SLC25A21: variants seen among roughly 807,000 people sequenced by gnomAD.
The protein encoded by SLC25A21 is solute carrier family 25 member 21, also known as mitochondrial 2-oxodicarboxylate carrier.
Under a neutral mutation model 43.8 loss-of-function variants are expected in SLC25A21, and 47 were observed. That is an observed-to-expected ratio of 1.07 (90% confidence interval 0.85 to 1.37). The LOEUF (loss-of-function observed/expected upper bound fraction) is 1.37. Ranked by LOEUF, SLC25A21 falls within the 40% of genes most tolerant of loss-of-function variation. The probability of loss-of-function intolerance (pLI) is 0.00; values close to 1 mark genes in which losing one functional copy is unlikely to be tolerated. For synonymous variants in SLC25A21, 131 were observed against 121.3 expected (o/e 1.08, Z -0.52); for missense variants, 352 against 350.2 (o/e 1.00, Z -0.04).
intron 1 of SLC25A21, among the ~76,000 whole-genome samples, chr14:37,114,513 A>AT (rs1792642036): frequency 6.6e-6 from 1 of 152,176 alleles, no homozygotes; most frequent in Admixed American, 6.6e-5. Context: ...TACTTAAATC[A>AT]TTTTCTTTAG....
intron 1 of SLC25A21, among the ~76,000 whole-genome samples, chr14:36,902,660 T>C (rs1566725278): frequency 6.6e-6 from 1 of 152,234 alleles, no homozygotes; most frequent in Non-Finnish European, 1.5e-5. Context: ...CCATGACTTT[T>C]GACAATTTCT....
rs779354786 is a variant in SLC25A21, at chr14:36,684,907, A to T, written c.622T>A (p.Trp208Arg). ...AGAAGACCAATCCCAAATTTTCTCC[A>T]AAACTCCAAGATTGGATCCTAAAAG... ...PVNKDPILEFWRKFGIGLLSG... is the reference protein window; with the variant it reads ...PVNKDPILEFRRKFGIGLLSG... Residue 208 changes from tryptophan to arginine, a missense_variant, in exon 8 of 10, where the codon TGG becomes AGG. Transcript: ENST00000331299. The T allele has an allele frequency of 1.9e-6, 3 of 1,610,158 alleles. No homozygotes were observed. Among genetic ancestry groups the T allele is most frequent in the Non-Finnish European group, 2.5e-6 (3 of 1,179,062 alleles).
chr14:36,990,054 G>A lies in SLC25A21; in HGVS notation c.71-115050C>T, dbSNP rs1014115407. Among the ~76,000 whole-genome samples, 63 of 152,226 alleles carry A rather than the reference G, an allele frequency of 4.1e-4. 1 individual carries two copies. Among genetic ancestry groups the A allele is most frequent in the African/African-American group, 1.4e-3 (58 of 41,522 alleles). On this transcript the variant is annotated intron_variant, in intron 1 of 9. Transcript: ENST00000331299. ...GGGGTTTCTAGAGAAAGGATGCTGCGCTGAATGCACAACCACATAAGAAAG... is the reference window on the plus strand; with the variant it reads ...GGGGTTTCTAGAGAAAGGATGCTGCACTGAATGCACAACCACATAAGAAAG...
intron 1 of SLC25A21, among the ~76,000 whole-genome samples, chr14:36,939,627 T>A (rs915865771): frequency 2.0e-5 from 3 of 152,258 alleles, no homozygotes; most frequent in Admixed American, 2.0e-4. Flanking sequence ...AGAAACCTTT[T>A]ATTTTTTAAT....
intron 1 of SLC25A21, among the ~76,000 whole-genome samples, chr14:36,922,667 T>C (rs188352271): frequency 6.6e-6 from 1 of 152,200 alleles, no homozygotes; most frequent in East Asian, 1.9e-4. Flanking sequence ...GAGATGTTCA[T>C]GTGCTGTAAA....
At chr14:36,776,226 C>CTTT (rs1227806836) in intron 3 of SLC25A21, among the ~76,000 whole-genome samples, 23 of 48,126 alleles carry the variant, frequency 4.8e-4, no homozygotes, top group African/African-American at 6.1e-4. Context: ...TTTTCTTTTT[C>CTTT]TTTCTTTCTT....
chr14:37,149,261 G>C (rs922860157), intron 1 of SLC25A21, among the ~76,000 whole-genome samples: 1 of 152,006 alleles, frequency 6.6e-6, no homozygotes, highest in African/African-American at 2.4e-5. Flanking sequence ...CACCAATGCA[G>C]ATGTCCATGA....
At chr14:36,918,449 TC>T (rs1891891144) in intron 1 of SLC25A21, among the ~76,000 whole-genome samples, 1 of 152,190 alleles carries the variant, frequency 6.6e-6, no homozygotes, top group Non-Finnish European at 1.5e-5. Flanking sequence ...AAGCTATTAT[TC>T]TTAAGCTAAT....
intron 1 of SLC25A21, among the ~76,000 whole-genome samples, chr14:37,146,589 T>C (rs376642148): frequency 1.4e-4 from 21 of 152,304 alleles, no homozygotes; most frequent in Admixed American, 1.3e-3. Flanking sequence ...AGTCTACTGA[T>C]AAAGATAAGA....
At chr14:36,931,549 GCT>G (rs1892291168) in intron 1 of SLC25A21, among the ~76,000 whole-genome samples, 1 of 152,172 alleles carries the variant, frequency 6.6e-6, no homozygotes, top group Admixed American at 6.5e-5. Flanking sequence ...GGCTCTGCAT[GCT>G]CTGAGAAGGA....
intron 2 of SLC25A21, among the ~76,000 whole-genome samples, chr14:36,866,912 T>C (rs1175763274): frequency 6.6e-6 from 1 of 152,258 alleles, no homozygotes; most frequent in East Asian, 1.9e-4. Context: ...CCTATGAGGC[T>C]AAATAGGATT....
intron 1 of SLC25A21, among the ~76,000 whole-genome samples, chr14:36,930,484 C>T (rs1350149056): frequency 6.6e-6 from 1 of 152,122 alleles, no homozygotes; most frequent in Non-Finnish European, 1.5e-5. Context: ...CTTAACCTCT[C>T]TTAATTCTAG....
At chr14:37,086,372 T>C (rs1434105179) in intron 1 of SLC25A21, among the ~76,000 whole-genome samples, 1 of 152,130 alleles carries the variant, frequency 6.6e-6, no homozygotes, top group Non-Finnish European at 1.5e-5. Context: ...TGTGCTAGGA[T>C]ATGAGAGTTA....
intron 2 of SLC25A21, among the ~76,000 whole-genome samples, chr14:36,846,416 T>C (rs1464182221): frequency 2.0e-5 from 3 of 152,176 alleles, no homozygotes; most frequent in African/African-American, 4.8e-5. Flanking sequence ...AGTTTTGCTC[T>C]TGTCGCCCAG....
intron 2 of SLC25A21, among the ~76,000 whole-genome samples, chr14:36,846,094 T>C (rs1889532324): frequency 1.3e-5 from 2 of 152,234 alleles, no homozygotes; most frequent in Admixed American, 1.3e-4. Flanking sequence ...GAGTGACTGA[T>C]AGTGTTTACA....
intron 1 of SLC25A21, among the ~76,000 whole-genome samples, chr14:37,032,090 C>A (rs1188899259): frequency 2.0e-5 from 3 of 151,542 alleles, no homozygotes; most frequent in African/African-American, 7.3e-5. Context: ...CCTTCCCCAT[C>A]ATTTTTCCCA....
intron 1 of SLC25A21, among the ~76,000 whole-genome samples, chr14:36,923,784 A>G (rs1457342009): frequency 6.6e-6 from 1 of 152,198 alleles, no homozygotes; most frequent in East Asian, 1.9e-4. Flanking sequence ...CCATTCTGTG[A>G]CAAAGGGCTA....
rs555852744 is a variant in SLC25A21 at position 36,941,473 on chromosome 14, A to G, written c.71-66469T>C. On this transcript the variant is annotated intron_variant, in intron 1 of 9. Transcript: ENST00000331299. ...CCAAATAAATTCAAATTATATTTAT[A>G]TAATTTTGATATAAATCTTGAATCA... Among the ~76,000 whole-genome samples, 92 of 152,190 alleles carry G rather than the reference A, an allele frequency of 6.0e-4. No homozygotes were observed. In the South Asian group the frequency reaches 0.019, roughly 31 times the overall value.
intron 3 of SLC25A21, among the ~76,000 whole-genome samples, chr14:36,810,647 ATC>A (rs1267045982): frequency 1.3e-5 from 2 of 152,130 alleles, no homozygotes; most frequent in African/African-American, 4.8e-5. Flanking sequence ...AAGAGTTATC[ATC>A]TCTGTTTCAT....
Sources: allele counts gnomAD v4.1 joint callset (sites outside exome capture counted in the v4.1 genomes callset), GRCh38; gene constraint gnomAD v4.1.1; transcripts MANE v1.5; gene names NCBI Gene and HGNC (gene_info 2026-07-23, HGNC 2026-07-21).